DOCK4: variants seen among roughly 807,000 people sequenced by gnomAD.
DOCK4 encodes dedicator of cytokinesis 4.
Under a neutral mutation model 268.1 loss-of-function variants are expected in DOCK4, and 97 were observed. The ratio of observed to expected loss-of-function variants is 0.36; its 90% confidence interval spans 0.31 to 0.43. The LOEUF is 0.43. Among genes scored for constraint, DOCK4 ranks in the 20% least tolerant of loss-of-function variants. The pLI is 1.00. For missense variants in DOCK4, 2,145 were observed against 2,455.7 expected (o/e 0.87, Z 2.67); for synonymous variants, 954 against 887.2 (o/e 1.08, Z -1.34).
intron 34 of DOCK4, among the ~76,000 whole-genome samples, chr7:111,783,197 C>A (rs73434221): frequency 0.019 from 2,898 of 152,142 alleles, 101 homozygotes; most frequent in African/African-American, 0.066. Context: ...AGATTATGCT[C>A]CCTCTCAATG....
At chr7:111,932,266 G>C (rs745946828) in intron 12 of DOCK4, among the ~76,000 whole-genome samples, 7 of 152,180 alleles carry the variant, frequency 4.6e-5, no homozygotes, top group African/African-American at 7.2e-5. Flanking sequence ...AGCATATCAT[G>C]GTGAGTCAAG....
chr7:111,853,905 A>C (rs535889040), intron 23 of DOCK4, among the ~76,000 whole-genome samples: 1 of 151,768 alleles, frequency 6.6e-6, no homozygotes, highest in African/African-American at 2.4e-5. Context: ...CACATCATTT[A>C]TTCAGTAGCT....
At chr7:111,745,365 T>G (rs1796189744) in intron 44 of DOCK4, among the ~76,000 whole-genome samples, 1 of 152,190 alleles carries the variant, frequency 6.6e-6, no homozygotes, top group Non-Finnish European at 1.5e-5. Flanking sequence ...GCCTGAACTT[T>G]TCTGAGCACA....
chr7:111,986,162 T>C (rs1162202320), intron 6 of DOCK4, among the ~76,000 whole-genome samples: 10 of 152,128 alleles, frequency 6.6e-5, no homozygotes, highest in African/African-American at 2.4e-4. Flanking sequence ...TGGTATAAAA[T>C]GCTCAGCCCA....
intron 2 of DOCK4, among the ~76,000 whole-genome samples, chr7:112,003,264 G>A (rs1331231280): frequency 3.3e-5 from 5 of 151,684 alleles, no homozygotes; most frequent in Non-Finnish European, 7.4e-5. Flanking sequence ...GAAGTATCCC[G>A]GTGGTCCTAG....
Position 111,962,407 on chromosome 7 carries a change from T to C in DOCK4, c.701+14725A>G, listed in dbSNP as rs1796983253. ...CAATAACCCCATGGGGAAAGTACTATTATTATCTCTACTTATCAGACAAGT... is the reference window on the plus strand; with the variant it reads ...CAATAACCCCATGGGGAAAGTACTACTATTATCTCTACTTATCAGACAAGT... On this transcript the variant is annotated intron_variant, in intron 8 of 52. Coordinates refer to ENST00000428084, the MANE Select transcript of DOCK4 (RefSeq NM_001363540.2). 3.3e-5 allele frequency among the ~76,000 whole-genome samples: 5 copies of C among 152,222 alleles called. No individual in the cohort carries two copies. In the South Asian group the frequency reaches 1.0e-3, roughly 32 times the overall value.
intron 1 of DOCK4, among the ~76,000 whole-genome samples, chr7:112,021,163 T>A (rs978182954): frequency 2.0e-5 from 3 of 152,236 alleles, no homozygotes; most frequent in African/African-American, 7.2e-5. Context: ...ATCAGCCTTT[T>A]ATATTTAAGA....
chr7:112,076,932 G>C (rs552832646), intron 1 of DOCK4, among the ~76,000 whole-genome samples: 2 of 150,346 alleles, frequency 1.3e-5, no homozygotes, highest in Non-Finnish European at 2.9e-5. Flanking sequence ...AACAAAGATC[G>C]CATCATTTGA....
At chr7:111,969,651 G>A (rs901923417) in intron 8 of DOCK4, among the ~76,000 whole-genome samples, 2 of 141,852 alleles carry the variant, frequency 1.4e-5, no homozygotes, top group Admixed American at 1.4e-4. Context: ...GATGCCAAAT[G>A]TGAAATAAAA....
chr7:112,039,064 C>G (rs576520307), intron 1 of DOCK4, among the ~76,000 whole-genome samples: 1 of 152,164 alleles, frequency 6.6e-6, no homozygotes, highest in African/African-American at 2.4e-5. Flanking sequence ...ATGGAGGAGG[C>G]AGAACAGAGA....
intron 42 of DOCK4, among the ~76,000 whole-genome samples, chr7:111,752,788 A>C (rs190854873): frequency 6.6e-6 from 1 of 151,874 alleles, no homozygotes; most frequent in East Asian, 1.9e-4. Context: ...GGGTTTCACC[A>C]TGTTGGTTAG....
rs910196381 is a variant in DOCK4 at position 111,845,047 on chromosome 7, A to G, written c.2602-150T>C. 1.4e-5 allele frequency: 16 copies of G among 1,133,078 alleles called. No homozygotes were observed. In the African/African-American group the frequency reaches 2.0e-4, roughly 14 times the overall value. The allele number at this position is 1,133,078 out of a possible 1,614,324, so 70.2% of individuals were successfully genotyped here. On this transcript the variant is annotated intron_variant, in intron 24 of 52. Coordinates refer to ENST00000428084, the MANE Select transcript of DOCK4 (RefSeq NM_001363540.2). Reference sequence around the variant, plus strand: ...CCTTTTACAGTAAACAAAGGCACAGAGAAGTTAATGGCTTACCCAAGAGTA... The same window carrying G: ...CCTTTTACAGTAAACAAAGGCACAGGGAAGTTAATGGCTTACCCAAGAGTA...
chr7:111,892,021 T>C (rs372071272), intron 16 of DOCK4, among the ~76,000 whole-genome samples: 8 of 152,192 alleles, frequency 5.3e-5, no homozygotes, highest in East Asian at 3.9e-4. Context: ...CAGTTTGAAA[T>C]GTGTTTCAGC....
chr7:111,988,877 C>T, intron 6 of DOCK4, 138 bp downstream of exon 6: 2 of 1,260,878 alleles, frequency 1.6e-6, no homozygotes, highest in Non-Finnish European at 2.2e-6. Flanking sequence ...TGCCAGTTCG[C>T]ACTAAGCCTC....
chr7:111,743,400 C>T (rs887546978), intron 44 of DOCK4, among the ~76,000 whole-genome samples: 4 of 152,152 alleles, frequency 2.6e-5, no homozygotes, highest in Admixed American at 6.5e-5. Flanking sequence ...CCCTAAGGGA[C>T]GGGGCTCTGG....
chr7:112,133,522 A>G (rs574303669), intron 1 of DOCK4, among the ~76,000 whole-genome samples: 1 of 152,190 alleles, frequency 6.6e-6, no homozygotes, highest in South Asian at 2.1e-4. Flanking sequence ...ACTTGAACTA[A>G]GGAGTTTGAG....
chr7:112,175,828 A>G (rs1239413097), intron 1 of DOCK4, among the ~76,000 whole-genome samples: 1 of 152,122 alleles, frequency 6.6e-6, no homozygotes, highest in Non-Finnish European at 1.5e-5. Flanking sequence ...TTTTTAATCT[A>G]AAAGCTAACA....
intron 1 of DOCK4, among the ~76,000 whole-genome samples, chr7:112,161,972 T>C (rs1330815441): frequency 1.3e-5 from 2 of 152,150 alleles, no homozygotes; most frequent in African/African-American, 4.8e-5. Flanking sequence ...ATTTGGAGGA[T>C]AGAAATGGGG....
intron 1 of DOCK4, among the ~76,000 whole-genome samples, chr7:112,011,663 G>C (rs1468451247): frequency 6.8e-6 from 1 of 147,912 alleles, no homozygotes; most frequent in South Asian, 2.1e-4. Flanking sequence ...TCTCCAAAGG[G>C]TCATAAACAG....
Sources: gnomAD v4.1 joint callset for allele counts (sites outside exome capture counted in the v4.1 genomes callset) on GRCh38, gnomAD v4.1.1 for gene constraint, MANE v1.5 for transcripts, NCBI Gene and HGNC (gene_info 2026-07-23, HGNC 2026-07-21) for gene names.